Variants in ARHGEF3 observed in about 807,000 individuals in gnomAD.
The protein encoded by ARHGEF3 is 59.8 kDA protein.
Under a neutral mutation model 63.2 loss-of-function variants are expected in ARHGEF3, and 28 were observed. The observed-to-expected ratio is 0.44, with a 90% CI of 0.33 to 0.61. ARHGEF3 has a LOEUF of 0.61. Among genes scored for constraint, ARHGEF3 ranks in the 20% least tolerant of loss-of-function variants. ARHGEF3 has a pLI of 0.03. For synonymous variants in ARHGEF3, 266 were observed against 254.2 expected, an observed-to-expected ratio of 1.05 and a Z score of -0.44; for missense variants, 533 against 659.3, an observed-to-expected ratio of 0.81 and a Z score of 2.10.
upstream of ARHGEF3, among the ~76,000 whole-genome samples, chr3:56,803,483 G>A (rs974149078): frequency 2.7e-5 from 4 of 147,100 alleles, no homozygotes; most frequent in Non-Finnish European, 4.4e-5. Flanking sequence ...AAGGAAGAAA[G>A]GAAAAAGAAA....
chr3:56,954,925 C>G (rs144913320), intron 3 of ARHGEF3, among the ~76,000 whole-genome samples: 1 of 152,112 alleles, frequency 6.6e-6, no homozygotes, highest in African/African-American at 2.4e-5. Context: ...AAAACAAAGA[C>G]GGGGGTGCAA....
chr3:56,953,456 T>C (rs1699903309), intron 3 of ARHGEF3, among the ~76,000 whole-genome samples: 1 of 152,162 alleles, frequency 6.6e-6, no homozygotes, highest in African/African-American at 2.4e-5. Flanking sequence ...GGCTCCATTA[T>C]TTTCTGGCTG....
chr3:56,863,181 A>C (rs2040135957), intron 4 of ARHGEF3, among the ~76,000 whole-genome samples: 1 of 151,540 alleles, frequency 6.6e-6, no homozygotes, highest in Non-Finnish European at 1.5e-5. Context: ...TCTGTTGCCC[A>C]GGCTGGAGTG....
intron 1 of ARHGEF3, among the ~76,000 whole-genome samples, chr3:57,047,765 G>C (rs907065442): frequency 2.6e-5 from 4 of 152,214 alleles, no homozygotes; most frequent in African/African-American, 9.6e-5. Context: ...CTGGATGTAA[G>C]AGAGGAGACC....
intron 4 of ARHGEF3, among the ~76,000 whole-genome samples, chr3:56,853,847 C>T (rs533801264): frequency 2.0e-5 from 3 of 152,200 alleles, no homozygotes; most frequent in South Asian, 4.1e-4. Context: ...TGGAAGCCTT[C>T]GGAGGGGTCA....
At chr3:56,867,286 G>A (rs552554573) in intron 4 of ARHGEF3, among the ~76,000 whole-genome samples, 2 of 152,210 alleles carry the variant, frequency 1.3e-5, no homozygotes, top group East Asian at 1.9e-4. Context: ...GCCAGACACT[G>A]CCCCAGATGT....
At chr3:56,981,326 C>G (rs1159351317) in intron 2 of ARHGEF3, among the ~76,000 whole-genome samples, 1 of 152,198 alleles carries the variant, frequency 6.6e-6, no homozygotes, top group Non-Finnish European at 1.5e-5. Flanking sequence ...ATGCATCATT[C>G]TAGCCTTTAA....
At chr3:56,880,613 C>T (rs1287456041) in intron 4 of ARHGEF3, among the ~76,000 whole-genome samples, 1 of 152,136 alleles carries the variant, frequency 6.6e-6, no homozygotes, top group Non-Finnish European at 1.5e-5. Flanking sequence ...CCAGGGCTTC[C>T]ACTTCTTTAT....
At chr3:56,932,935 T>C (rs1350838430) in intron 3 of ARHGEF3, among the ~76,000 whole-genome samples, 1 of 152,254 alleles carries the variant, frequency 6.6e-6, no homozygotes, top group Non-Finnish European at 1.5e-5. Context: ...AAGATGTTAA[T>C]TTGTACCACA....
intron 2 of ARHGEF3, among the ~76,000 whole-genome samples, chr3:57,014,684 C>CTTT (rs34987425): frequency 6.8e-6 from 1 of 146,626 alleles, no homozygotes; most frequent in Non-Finnish European, 1.5e-5. Flanking sequence ...AGCTTGTTAA[C>CTTT]TTTTTTTTTT....
intron 3 of ARHGEF3, among the ~76,000 whole-genome samples, chr3:56,911,948 T>C (rs1169581133): frequency 6.6e-6 from 1 of 150,874 alleles, no homozygotes; most frequent in Non-Finnish European, 1.5e-5. Context: ...AAAAAAAAAT[T>C]ACATATATAT....
At chr3:56,803,179 A>G (rs554909777), upstream of ARHGEF3, among the ~76,000 whole-genome samples, 11 of 152,354 alleles carry the variant, frequency 7.2e-5, no homozygotes, top group African/African-American at 2.4e-4. Context: ...AGAATTAAAG[A>G]TAGTGAACAA....
At chr3:56,948,145 T>G (rs1026145643) in intron 3 of ARHGEF3, among the ~76,000 whole-genome samples, 21 of 151,820 alleles carry the variant, frequency 1.4e-4, no homozygotes, top group Admixed American at 1.2e-3. Flanking sequence ...AGAGGGAAAT[T>G]TATAGCACTA....
rs1560093803 is a variant in ARHGEF3, at chr3:56,968,155, A to AC, written c.63-9267_63-9266insG. 6.3e-4 allele frequency among the ~76,000 whole-genome samples: 25 copies of AC among 39,826 alleles called. 2 individuals are homozygous for AC. The South Asian group carries it at 0.018, about 29-fold the overall frequency. The allele number at this position is 39,826 out of a possible 152,430, so 26.1% of individuals were successfully genotyped here. On this transcript the variant is annotated intron_variant, in intron 2 of 12. Transcript: ENST00000338458. Reference sequence around the variant, plus strand: ...TATTTTTATATATAATATATATAAAAATATATATTATATAATATATATAAA... The same window carrying AC: ...TATTTTTATATATAATATATATAAAACATATATATTATATAATATATATAAA...
At chr3:56,874,576 T>C (rs1467849728) in intron 4 of ARHGEF3, among the ~76,000 whole-genome samples, 1 of 152,214 alleles carries the variant, frequency 6.6e-6, no homozygotes, top group East Asian at 1.9e-4. Flanking sequence ...AAAGCTTTTT[T>C]CCCCCTCTTC....
chr3:56,832,130 C>G (rs143695860), intron 4 of ARHGEF3, among the ~76,000 whole-genome samples: 77 of 152,362 alleles, frequency 5.1e-4, no homozygotes, highest in African/African-American at 1.7e-3. Flanking sequence ...GCTGGACAAG[C>G]AGGCAGCTCT....
At chr3:56,853,965 G>A (rs566501033) in intron 4 of ARHGEF3, among the ~76,000 whole-genome samples, 6 of 152,148 alleles carry the variant, frequency 3.9e-5, no homozygotes, top group Non-Finnish European at 8.8e-5. Context: ...GGAGGCCGAG[G>A]AGGGTGGATC....
chr3:56,762,491 G>A (rs992824241), intron 2 of ARHGEF3, among the ~76,000 whole-genome samples: 1 of 152,138 alleles, frequency 6.6e-6, no homozygotes, highest in Non-Finnish European at 1.5e-5. Context: ...CGGGGGTTGG[G>A]GGACGGGGGT....
At chr3:56,986,182 G>C (rs1193807645) in intron 2 of ARHGEF3, among the ~76,000 whole-genome samples, 1 of 152,192 alleles carries the variant, frequency 6.6e-6, no homozygotes, top group Non-Finnish European at 1.5e-5. Flanking sequence ...GCAACCTAAA[G>C]AGCCCAACAA....
Sources: gnomAD v4.1 joint callset for allele counts (sites outside exome capture counted in the v4.1 genomes callset) on GRCh38, gnomAD v4.1.1 for gene constraint, MANE v1.5 for transcripts, NCBI Gene and HGNC (gene_info 2026-07-23, HGNC 2026-07-21) for gene names.